Variants in RALYL observed in about 807,000 individuals in gnomAD.
RALYL encodes RALY RNA binding protein like, also known as RNA-binding Raly-like protein.
Under a neutral mutation model 35.1 loss-of-function variants are expected in RALYL, and 29 were observed. The ratio of observed to expected loss-of-function variants is 0.83; its 90% CI spans 0.61 to 1.13. The LOEUF is 1.13. Among genes scored for constraint, RALYL ranks in the 50% most tolerant of loss-of-function variants. RALYL has a pLI of 0.00. For missense variants in RALYL, 359 were observed against 360.4 expected, an observed-to-expected ratio of 1.00 and a Z score of 0.03; for synonymous variants, 120 against 127.6, an observed-to-expected ratio of 0.94 and a Z score of 0.40.
chr8:84,739,780 C>T (rs1418821959), intron 2 of RALYL, among the ~76,000 whole-genome samples: 2 of 151,810 alleles, frequency 1.3e-5, no homozygotes. Flanking sequence ...GAATCTGAGA[C>T]TCTGAGTATG....
At chr8:84,607,766 C>G (rs1817468668) in intron 2 of RALYL, among the ~76,000 whole-genome samples, 1 of 152,070 alleles carries the variant, frequency 6.6e-6, no homozygotes, top group Admixed American at 6.6e-5. Context: ...CTTAGATCCT[C>G]CGCCCTTCTT....
chr8:84,662,573 T>C (rs1831137772), intron 2 of RALYL, among the ~76,000 whole-genome samples: 1 of 152,132 alleles, frequency 6.6e-6, no homozygotes, highest in South Asian at 2.1e-4. Context: ...GGTTGGAAAG[T>C]AGGTGAAACA....
intron 1 of RALYL, among the ~76,000 whole-genome samples, chr8:84,459,650 T>A (rs1230091103): frequency 6.6e-6 from 1 of 151,662 alleles, no homozygotes; most frequent in Non-Finnish European, 1.5e-5. Context: ...GAGAGGACAG[T>A]GGATTGAGAG....
In RALYL at chr8:84,743,537, A is replaced by G. The variant is rs149175930; in HGVS notation, c.257-31042A>G. Reference sequence around the variant, plus strand: ...AAGGGTTCTCACATTTCAGTCACAAATTTTATTCACAGCTAGGGAGTTACT... The same window carrying G: ...AAGGGTTCTCACATTTCAGTCACAAGTTTTATTCACAGCTAGGGAGTTACT... On this transcript the variant is annotated intron_variant, in intron 2 of 8. Coordinates refer to ENST00000521268, the MANE Select transcript of RALYL (RefSeq NM_173848.7). 7.3e-3 allele frequency among the ~76,000 whole-genome samples: 1,111 copies of G among 152,170 alleles called. 17 individuals carry two copies. Among genetic ancestry groups the G allele is most frequent in the African/African-American group, 0.025 (1,020 of 41,542 alleles).
chr8:84,890,421 G>T (rs1420526564), intron 8 of RALYL, among the ~76,000 whole-genome samples: 2 of 152,134 alleles, frequency 1.3e-5, no homozygotes, highest in African/African-American at 4.8e-5. Context: ...GGCTCCTATG[G>T]AAAACACTAA....
In RALYL at chr8:84,427,956, G is replaced by A. The variant is rs111785458; in HGVS notation, c.-23-101343G>A. 2.1e-3 allele frequency among the ~76,000 whole-genome samples: 318 copies of A among 152,140 alleles called. 2 individuals carry two copies. Among genetic ancestry groups the A allele is most frequent in the African/African-American group, 7.0e-3 (292 of 41,492 alleles). ...AGGCATTCAATTCATTATTGCTAAG[G>A]CAATGAATCTATCTTCAAATCTGTA... On this transcript the variant is annotated intron_variant, in intron 1 of 8. Coordinates refer to ENST00000521268, the MANE Select transcript of RALYL (RefSeq NM_173848.7).
chr8:84,526,304 G>A (rs564200639), intron 1 of RALYL, among the ~76,000 whole-genome samples: 39 of 152,122 alleles, frequency 2.6e-4, no homozygotes, highest in African/African-American at 8.7e-4. Context: ...CAGACATTTG[G>A]GTTGTTTCTG....
intron 1 of RALYL, among the ~76,000 whole-genome samples, chr8:84,284,378 A>G (rs1194354459): frequency 6.6e-6 from 1 of 152,180 alleles, no homozygotes; most frequent in African/African-American, 2.4e-5. Context: ...GTAGTTCAGC[A>G]TTAGAGAAAT....
At chr8:84,315,223 A>C (rs542289854) in intron 1 of RALYL, among the ~76,000 whole-genome samples, 1 of 152,204 alleles carries the variant, frequency 6.6e-6, no homozygotes, top group African/African-American at 2.4e-5. Flanking sequence ...GCATATTCCC[A>C]TATATATAAG....
intron 1 of RALYL, among the ~76,000 whole-genome samples, chr8:84,192,891 G>GTC (rs1814285065): frequency 8.1e-6 from 1 of 122,866 alleles, no homozygotes; most frequent in South Asian, 2.8e-4. Context: ...GAGGGAGTGT[G>GTC]TGTGTGTGTG....
At chr8:84,761,166 T>C (rs1812601698) in intron 2 of RALYL, among the ~76,000 whole-genome samples, 1 of 151,956 alleles carries the variant, frequency 6.6e-6, no homozygotes, top group Non-Finnish European at 1.5e-5. Context: ...AAGTATTTTC[T>C]CAATTAAAAA....
intron 1 of RALYL, among the ~76,000 whole-genome samples, chr8:84,368,838 C>T (rs1855092709): frequency 6.6e-6 from 1 of 152,062 alleles, no homozygotes; most frequent in Non-Finnish European, 1.5e-5. Flanking sequence ...TATCAGTCAG[C>T]AACCCATAAT....
At chr8:84,627,836 C>T (rs1319495137) in intron 2 of RALYL, among the ~76,000 whole-genome samples, 2 of 152,026 alleles carry the variant, frequency 1.3e-5, no homozygotes, top group African/African-American at 4.8e-5. Flanking sequence ...CTTTAATGCC[C>T]ATATTTAAAT....
chr8:84,494,903 T>G (rs2055822432), intron 1 of RALYL, among the ~76,000 whole-genome samples: 1 of 152,146 alleles, frequency 6.6e-6, no homozygotes. Flanking sequence ...TTCTCTTGAC[T>G]GATTGCCCTG....
At chr8:84,473,232 A>G (rs1262472171) in intron 1 of RALYL, among the ~76,000 whole-genome samples, 1 of 152,012 alleles carries the variant, frequency 6.6e-6, no homozygotes, top group Non-Finnish European at 1.5e-5. Context: ...TTTAAATTAC[A>G]TATGTAAAAG....
chr8:84,754,222 GCA>G (rs1437657444), intron 2 of RALYL, among the ~76,000 whole-genome samples: 1 of 151,638 alleles, frequency 6.6e-6, no homozygotes, highest in African/African-American at 2.4e-5. Context: ...CCCACAATGT[GCA>G]CATGTACCCT....
intron 1 of RALYL, among the ~76,000 whole-genome samples, chr8:84,192,756 C>T (rs142702716): frequency 0.012 from 1,856 of 151,922 alleles, 45 homozygotes; most frequent in African/African-American, 0.042. Context: ...CAGAGTTTCA[C>T]CATGTTGACC....
chr8:84,221,004 CA>C (rs1223509454), intron 1 of RALYL, among the ~76,000 whole-genome samples: 1 of 151,844 alleles, frequency 6.6e-6, no homozygotes, highest in African/African-American at 2.4e-5. Flanking sequence ...ACACTATTTT[CA>C]ACACATTCAG....
chr8:84,293,505 G>C (rs1839172751), intron 1 of RALYL, among the ~76,000 whole-genome samples: 1 of 151,218 alleles, frequency 6.6e-6, no homozygotes, highest in East Asian at 1.9e-4. Context: ...ATTTCACATG[G>C]TCATTGAAAT....
Sources: allele counts gnomAD v4.1 joint callset (sites outside exome capture counted in the v4.1 genomes callset), GRCh38; gene constraint gnomAD v4.1.1; transcripts MANE v1.5; gene names NCBI Gene and HGNC (gene_info 2026-07-23, HGNC 2026-07-21).